Variants in APOO observed in about 807,000 individuals in gnomAD.
The protein encoded by APOO is apolipoprotein O, also known as MICOS complex subunit MIC26.
APOO carries 11 observed loss-of-function variants against 23.1 expected under a neutral mutation model. That is an observed-to-expected ratio of 0.48 (90% CI 0.30 to 0.79). The LOEUF is 0.79. APOO is among the 30% of genes least tolerant of loss of function. The pLI is 0.07. For synonymous variants in APOO, 59 were observed against 54.8 expected (o/e 1.08, Z -0.34); for missense variants, 160 against 142.7 (o/e 1.12, Z -0.62).
intron 1 of APOO, among the ~76,000 whole-genome samples, chrX:23,902,968 T>C (rs1386172059): frequency 2.7e-5 from 3 of 111,980 alleles, no homozygotes; most frequent in East Asian, 5.6e-4. Context: ...AATCCCACCA[T>C]GTTCATAAGA....
chrX:23,903,185 T>G (rs1460931722), intron 1 of APOO, among the ~76,000 whole-genome samples: 3 of 110,852 alleles, frequency 2.7e-5, no homozygotes. Context: ...CTGGCCAGCA[T>G]GGTGAAGCCC....
chrX:23,890,196 AAC>A (rs1054467916), intron 1 of APOO, among the ~76,000 whole-genome samples: 2 of 112,106 alleles, frequency 1.8e-5, no homozygotes, highest in Non-Finnish European at 3.8e-5. Context: ...TATAAAAAGA[AAC>A]AGAGTGACTG....
At chrX:23,884,202 T>A (rs1312338290) in intron 1 of APOO, among the ~76,000 whole-genome samples, 2 of 111,155 alleles carry the variant, frequency 1.8e-5, no homozygotes, top group Admixed American at 1.9e-4. Flanking sequence ...GAATCGAGTT[T>A]GCCATTTAGA....
chrX:23,859,969 C>A (rs1431970123), intron 5 of APOO, among the ~76,000 whole-genome samples: 1 of 111,210 alleles, frequency 9.0e-6, no homozygotes, highest in Non-Finnish European at 1.9e-5. Context: ...AAGCGTTCTT[C>A]TTCTCCCCTT....
At chrX:23,877,149 C>CA (rs201082890) in intron 3 of APOO, among the ~76,000 whole-genome samples, 6,888 of 110,482 alleles carry the variant, frequency 0.062, 221 homozygotes, top group Middle Eastern at 0.096. Flanking sequence ...AACAAACAAA[C>CA]AAAAAAAACA....
At chrX:23,882,694 T>C (rs1280076092) in intron 1 of APOO, among the ~76,000 whole-genome samples, 1 of 109,426 alleles carries the variant, frequency 9.1e-6, no homozygotes, top group East Asian at 2.9e-4. Context: ...TTGCCTAGGT[T>C]GGAGTGCAGC....
At chrX:23,835,553 T>C (rs1233443531) in intron 8 of APOO, among the ~76,000 whole-genome samples, 2 of 112,258 alleles carry the variant, frequency 1.8e-5, no homozygotes, top group Non-Finnish European at 3.8e-5. Flanking sequence ...GGAAACAACC[T>C]ATGTTGGTAA....
At chrX:23,875,793 A>G (rs184509842) in intron 3 of APOO, among the ~76,000 whole-genome samples, 1 of 111,089 alleles carries the variant, frequency 9.0e-6, no homozygotes, top group East Asian at 2.8e-4. Flanking sequence ...ATGACCTGAA[A>G]TAATAAATGC....
intron 5 of APOO, among the ~76,000 whole-genome samples, chrX:23,863,656 G>C (rs1925200819): frequency 9.0e-6 from 1 of 111,074 alleles, no homozygotes; most frequent in Admixed American, 9.8e-5. Context: ...AGTGACTTAA[G>C]CATGTAGTTC....
chrX:23,856,805 C>T (rs780591549), intron 6 of APOO, among the ~76,000 whole-genome samples: 2 of 113,036 alleles, frequency 1.8e-5, no homozygotes, highest in South Asian at 7.1e-4. Context: ...CCACCTACCT[C>T]GGCCTTCCAA....
At chrX:23,837,383 A>ATAT in intron 8 of APOO, 3 of 714,339 alleles carry the variant, frequency 4.2e-6, no homozygotes, top group Non-Finnish European at 6.2e-6. Context: ...AATTACAATT[A>ATAT]TATGCCTTCA....
rs1286648608 is a variant in APOO, at chrX:23,836,470, ATG to A, written c.*30-2860_*30-2859del. ...GCTGGGACTACAGGCGCACGCCACC[ATG>A]TCTGGCTAATTTTTGTATTTTTAGT... On this transcript the variant is annotated intron_variant, in intron 8 of 8. Transcript: ENST00000379226. Among the ~76,000 whole-genome samples, 5 of 111,104 alleles carry A rather than the reference ATG, an allele frequency of 4.5e-5. No homozygotes were observed. In the Admixed American group the frequency reaches 4.8e-4, roughly 11 times the overall value.
intron 5 of APOO, among the ~76,000 whole-genome samples, chrX:23,860,837 T>TC (rs2146989891): frequency 1.1e-5 from 1 of 94,024 alleles, no homozygotes; most frequent in South Asian, 6.8e-4. Flanking sequence ...TCTCTATTCC[T>TC]TTAAAAAAAA....
intron 1 of APOO, among the ~76,000 whole-genome samples, chrX:23,887,955 G>GTT: frequency 8.9e-6 from 1 of 112,009 alleles, no homozygotes; most frequent in Middle Eastern, 4.6e-3. Context: ...GAATACAGCT[G>GTT]TAAGACCCAT....
chrX:23,853,125 G>C (rs1157262766), intron 7 of APOO, among the ~76,000 whole-genome samples: 1 of 110,711 alleles, frequency 9.0e-6, no homozygotes, highest in Non-Finnish European at 1.9e-5. Context: ...GGGTGTTGTG[G>C]TGTGCGCCTG....
intron 7 of APOO, among the ~76,000 whole-genome samples, chrX:23,852,693 C>T (rs1433335385): frequency 9.1e-6 from 1 of 110,495 alleles, no homozygotes; most frequent in African/African-American, 3.3e-5. Context: ...AACTTCCTAA[C>T]AAGCTAAGAA....
At chrX:23,896,076 T>C (rs1037994792) in intron 1 of APOO, among the ~76,000 whole-genome samples, 2 of 110,385 alleles carry the variant, frequency 1.8e-5, no homozygotes, top group African/African-American at 6.6e-5. Context: ...GAGACCAGCA[T>C]GACCAACACG....
Position 23,879,050 on chromosome X carries a change from C to G in APOO, c.118-16G>C. On this transcript the variant is annotated splice_polypyrimidine_tract_variant and intron_variant, in intron 2 of 8. Coordinates refer to ENST00000379226, the MANE Select transcript of APOO (RefSeq NM_024122.5). ...AGAGTGAAAGCTGCGCACATTAAAA[C>G]AAAACAAAGATTTAAAAGATGTACT... 1 of 1,201,859 alleles carries G rather than the reference C, an allele frequency of 8.3e-7. No homozygotes were observed. Among genetic ancestry groups the G allele is most frequent in the Non-Finnish European group, 1.1e-6 (1 of 888,227 alleles).
intron 5 of APOO, among the ~76,000 whole-genome samples, chrX:23,865,182 G>A (rs1403652037): frequency 9.0e-6 from 1 of 111,338 alleles, no homozygotes; most frequent in East Asian, 2.8e-4. Flanking sequence ...GTGTCATCTT[G>A]GAGTGGTCTG....
Sources: allele counts gnomAD v4.1 joint callset (sites outside exome capture counted in the v4.1 genomes callset), GRCh38; gene constraint gnomAD v4.1.1; transcripts MANE v1.5; gene names NCBI Gene and HGNC (gene_info 2026-07-23, HGNC 2026-07-21).